CRB1: variants seen among roughly 807,000 people sequenced by gnomAD.
CRB1 encodes the protein protein crumbs homolog 1.
In CRB1, 83 loss-of-function variants were observed where a neutral mutation model predicts 120.0. The ratio of observed to expected loss-of-function variants is 0.69; its 90% CI spans 0.58 to 0.83. The LOEUF (loss-of-function observed/expected upper bound fraction) is 0.83. Among genes scored for constraint, CRB1 ranks in the 40% least tolerant of loss-of-function variants. The pLI is 0.00. For synonymous variants in CRB1, 625 were observed against 612.5 expected, an observed-to-expected ratio of 1.02 and a Z score of -0.30; for missense variants, 1,699 against 1,687.6, an observed-to-expected ratio of 1.01 and a Z score of -0.12.
At chr1:197,330,029 T>C (rs1658756034) in intron 2 of CRB1, among the ~76,000 whole-genome samples, 1 of 152,188 alleles carries the variant, frequency 6.6e-6, no homozygotes, top group East Asian at 1.9e-4. Context: ...AAGCAATATA[T>C]CTATTTGGAA....
chr1:197,206,028 C>G, the CRB1 span, among the ~76,000 whole-genome samples: 9 of 151,772 alleles, frequency 5.9e-5, no homozygotes, highest in Non-Finnish European at 1.0e-4. Flanking sequence ...TCTAGGTTTT[C>G]TAGTTTATGC....
At position 197,294,976 on chromosome 1, in the gene CRB1, A is replaced by G. The variant is rs1484880206; in HGVS notation, c.70+26494A>G. ...ATGTAAATGACGAGTTAATGGGTGC[A>G]GCACACCAAGATAGCACATGTATAC... On this transcript the variant is annotated intron_variant, in intron 1 of 11. Coordinates refer to ENST00000367400, the MANE Select transcript of CRB1 (RefSeq NM_201253.3). 2.6e-5 allele frequency among the ~76,000 whole-genome samples: 4 copies of G among 152,262 alleles called. No individual in the cohort carries two copies. In the East Asian group the frequency reaches 7.7e-4, roughly 29 times the overall value.
At chr1:197,387,394 G>A (rs1389565286) in intron 5 of CRB1, among the ~76,000 whole-genome samples, 1 of 151,984 alleles carries the variant, frequency 6.6e-6, no homozygotes, top group African/African-American at 2.4e-5. Context: ...TTGTAGAGAG[G>A]CATGTTTTCC....
At chr1:197,422,034 C>T in intron 6 of CRB1, 78 bp downstream of exon 6, 1 of 1,307,854 alleles carries the variant, frequency 7.6e-7, no homozygotes, top group Non-Finnish European at 1.1e-6. Context: ...AGCCAGACTG[C>T]TTCTGCCTGC....
intron 1 of CRB1, among the ~76,000 whole-genome samples, chr1:197,318,349 T>C (rs886168165): frequency 1.1e-4 from 17 of 152,040 alleles, no homozygotes; most frequent in Non-Finnish European, 1.9e-4. Flanking sequence ...AGATAACAAG[T>C]GTTGGTGAGG....
upstream of CRB1, among the ~76,000 whole-genome samples, chr1:197,266,036 C>T (rs534846932): frequency 8.5e-5 from 13 of 152,272 alleles, no homozygotes; most frequent in East Asian, 2.5e-3. Flanking sequence ...CATCTCTTCA[C>T]ACCTATGTTT....
intron 5 of CRB1, among the ~76,000 whole-genome samples, chr1:197,385,161 C>T (rs1261069580): frequency 6.6e-6 from 1 of 152,154 alleles, no homozygotes; most frequent in Non-Finnish European, 1.5e-5. Context: ...GCTCATATCA[C>T]AACTTCTAAC....
chr1:197,378,755 CT>C (rs1393839544), intron 5 of CRB1, among the ~76,000 whole-genome samples: 2 of 152,172 alleles, frequency 1.3e-5, no homozygotes, highest in African/African-American at 4.8e-5. Context: ...ACAGTTTACT[CT>C]CTACTGATAA....
chr1:197,312,133 T>A (rs1247674614), intron 1 of CRB1, among the ~76,000 whole-genome samples: 1 of 152,118 alleles, frequency 6.6e-6, no homozygotes, highest in Non-Finnish European at 1.5e-5. Flanking sequence ...CCTGAAAAAA[T>A]ATGTGTATAT....
rs1265675307 is a variant in CRB1 at position 197,427,533 on chromosome 1, C to G, written c.2208C>G (p.Thr736=). Residue 736 remains threonine, a synonymous_variant, in exon 7 of 12, where the codon ACC becomes ACG. Coordinates refer to ENST00000367400, the MANE Select transcript of CRB1 (RefSeq NM_201253.3). ...IFTLDESYGD[T]ISLSMFVRTL... The stretch of plus-strand genomic sequence containing the variant: ...CTCTTGATGAGAGCTATGGAGACAC[C>G]ATCAGCCTCTCCATGTTTGTCCGAA... 2 of 1,613,550 alleles carry G rather than the reference C, an allele frequency of 1.2e-6. No homozygotes were observed. Among genetic ancestry groups the G allele is most frequent in the Non-Finnish European group, 1.7e-6 (2 of 1,179,686 alleles).
rs745357928 is a variant in CRB1, at chr1:197,477,926, A to T, written c.*47A>T. On this transcript the variant is annotated 3_prime_UTR_variant, in exon 12 of 12. Transcript: ENST00000367400. ...TGGGGATCCACACACTGTGAATGTG[A>T]TGACTGTACTTCAGGTATCTCTGAC... The T allele has an allele frequency of 6.4e-7, 1 of 1,558,434 alleles. No homozygotes were observed. Among genetic ancestry groups the T allele is most frequent in the Non-Finnish European group, 8.9e-7 (1 of 1,129,488 alleles).
chr1:197,320,956 TTCTCTTTCAAA>T (rs1053498676), intron 1 of CRB1, among the ~76,000 whole-genome samples: 6 of 152,224 alleles, frequency 3.9e-5, no homozygotes, highest in Admixed American at 2.6e-4. Flanking sequence ...ACATCAGATA[TTCTCTTTCAAA>T]TCTCAGAAGG....
chr1:197,235,687 TTAAA>T, the CRB1 span, among the ~76,000 whole-genome samples: 1 of 152,154 alleles, frequency 6.6e-6, no homozygotes, highest in Non-Finnish European at 1.5e-5. Context: ...GACTCGTAAG[TTAAA>T]TAAATGGTGG....
At chr1:197,312,724 G>A (rs1657611194) in intron 1 of CRB1, among the ~76,000 whole-genome samples, 2 of 151,978 alleles carry the variant, frequency 1.3e-5, no homozygotes, top group South Asian at 4.1e-4. Context: ...TTTACACATA[G>A]CAACATTTAA....
the CRB1 span, among the ~76,000 whole-genome samples, chr1:197,221,324 T>G: frequency 1.3e-5 from 2 of 152,116 alleles, no homozygotes; most frequent in African/African-American, 2.4e-5. Flanking sequence ...AAGATTTTGG[T>G]GGGAAAGATT....
intron 1 of CRB1, among the ~76,000 whole-genome samples, chr1:197,269,075 G>A (rs1247971726): frequency 1.3e-5 from 2 of 152,136 alleles, no homozygotes; most frequent in Non-Finnish European, 2.9e-5. Flanking sequence ...AGAAGCAAGA[G>A]CAATGTTTCT....
intron 11 of CRB1, 146 bp from the exon 12 acceptor site, chr1:197,477,518 C>A: frequency 1.3e-6 from 1 of 744,686 alleles, no homozygotes; most frequent in Non-Finnish European, 2.4e-6. Flanking sequence ...GAAAATCTGA[C>A]TTTCTTTTAA....
intron 5 of CRB1, among the ~76,000 whole-genome samples, chr1:197,404,606 A>C (rs188536155): frequency 2.6e-5 from 4 of 152,226 alleles, no homozygotes; most frequent in Admixed American, 1.3e-4. Context: ...TTATCTTTTC[A>C]TTTTATCTGT....
At chr1:197,335,931 C>T (rs974761979) in intron 2 of CRB1, among the ~76,000 whole-genome samples, 2 of 152,218 alleles carry the variant, frequency 1.3e-5, no homozygotes, top group African/African-American at 4.8e-5. Context: ...CCTCTATTGC[C>T]CTCTGATGGC....
Sources: allele counts gnomAD v4.1 joint callset (sites outside exome capture counted in the v4.1 genomes callset), GRCh38; gene constraint gnomAD v4.1.1; transcripts MANE v1.5; gene names NCBI Gene and HGNC (gene_info 2026-07-23, HGNC 2026-07-21).